The following IGFLR1 variants were observed in gnomAD, a reference collection of about 807,000 sequenced individuals.
IGFLR1 encodes the protein IGF like family receptor 1, also known as IGF-like family receptor 1.
Under a neutral mutation model 23.4 loss-of-function variants are expected in IGFLR1, and 17 were observed. The ratio of observed to expected loss-of-function variants is 0.73; its 90% CI spans 0.50 to 1.09. The LOEUF is 1.09. Ranked by LOEUF, IGFLR1 falls within the 50% of genes least tolerant of loss-of-function variation. The pLI, the probability that IGFLR1 is intolerant of heterozygous loss-of-function variation, is 0.00. For synonymous variants in IGFLR1, 265 were observed against 210.7 expected (o/e 1.26, Z -2.23); for missense variants, 556 against 459.2 (o/e 1.21, Z -1.93).
intron 3 of IGFLR1, 106 bp from the exon 4 acceptor site, chr19:35,740,194 CGGTAT>C: frequency 7.1e-7 from 1 of 1,405,102 alleles, no homozygotes; most frequent in Non-Finnish European, 9.4e-7. Context: ...CCATCTGATA[CGGTAT>C]CTGATAAGGT....
rs1422121941 is a variant in IGFLR1 at position 35,739,566 on chromosome 19, T to C, written c.782A>G (p.Glu261Gly). 4 of 1,613,836 alleles carry C rather than the reference T, an allele frequency of 2.5e-6. No individual in the cohort carries two copies. Among genetic ancestry groups the C allele is most frequent in the South Asian group, 2.2e-5 (2 of 91,062 alleles). ...SRLLDELEVL[E>G]ELIVLLDPEP... The stretch of plus-strand genomic sequence containing the variant: ...AGGGTCCAGCAGTACAATCAGCTCT[T>C]CCAGCACCTCCAGCTCATCCAGGAG... The change falls in exon 5 of 5, where the codon GAA becomes GGA. Residue 261 changes from glutamate to glycine, a missense_variant. Coordinates refer to ENST00000246532, the MANE Select transcript of IGFLR1 (RefSeq NM_024660.4).
chr19:35,740,784 G>A lies in IGFLR1; in HGVS notation c.158-220C>T, dbSNP rs1970179153. ...CCCACTCCCGGCTTCTCTACATAAA[G>A]CCCACCCTTTCCACGCGGCCCCTAT... On this transcript the variant is annotated intron_variant, in intron 2 of 4. Transcript: ENST00000246532. 6 of 637,190 alleles carry A rather than the reference G, an allele frequency of 9.4e-6. No homozygotes were observed. The South Asian group carries it at 9.9e-5, about 11-fold the overall frequency. 39.5% of individuals were successfully genotyped at this position (637,190 alleles called of 1,614,324 possible).
intron 1 of IGFLR1, 63 bp downstream of exon 1, chr19:35,742,333 G>A: frequency 7.5e-7 from 1 of 1,337,892 alleles, no homozygotes; most frequent in Non-Finnish European, 9.9e-7. Context: ...TCTCCCCCTT[G>A]AATAAGCCTC....
intron 2 of IGFLR1, 196 bp downstream of exon 2, chr19:35,740,828 T>C: frequency 3.1e-6 from 2 of 649,428 alleles, no homozygotes; most frequent in Non-Finnish European, 5.2e-6. Context: ...TCCAGCCATA[T>C]CCATTCGCTG....
intron 1 of IGFLR1, 89 bp from the exon 2 acceptor site, chr19:35,741,312 A>AC: frequency 7.3e-7 from 1 of 1,376,782 alleles, no homozygotes. Context: ...CCGGGAATCT[A>AC]CCCCCGAGCC....
chr19:35,738,870 ATGTT>A lies in IGFLR1; in HGVS notation c.*406_*409del. On this transcript the variant is annotated 3_prime_UTR_variant, in exon 5 of 5. Coordinates refer to ENST00000246532, the MANE Select transcript of IGFLR1 (RefSeq NM_024660.4). The surrounding 1 kb of genome is among the most constrained non-coding windows in gnomAD (Gnocchi z 8.7). ...AACCCCCCCACAATAAAGTCTGTCA[ATGTT>A]TGGAGAGGTGGTCTTCCCATTTGTA... 1 of 469,134 alleles carries A rather than the reference ATGTT, an allele frequency of 2.1e-6. No homozygotes were observed. The highest frequency in any genetic ancestry group is 3.1e-5 in the South Asian group (1 of 32,558). The allele number at this position is 469,134 out of a possible 1,614,324, so 29.1% of individuals were successfully genotyped here. A position where few individuals can be genotyped will look rare whatever the true frequency, so the allele number is the denominator to read the frequency against.
chr19:35,739,383 G>C lies in IGFLR1; in HGVS notation c.965C>G (p.Ser322Cys). ...TGTGCCAAGCTGGCCCAGGGAGGCA[G>C]AGGGCTCCCTTGCCACCACCATCTC... is the stretch of plus-strand genomic sequence containing the variant. Reference protein sequence around the residue: ...LIEMVVAREPSASLGQLGTHL... With the variant: ...LIEMVVAREPCASLGQLGTHL... Residue 322 changes from serine to cysteine, a missense_variant, in exon 5 of 5, where the codon TCT (serine) becomes TGT (cysteine). Physicochemically the swap from Ser to Cys is moderately radical, Grantham distance 112. Transcript: ENST00000246532. The C allele has an allele frequency of 6.2e-7, 1 of 1,613,212 alleles. No homozygotes were observed.
chr19:35,739,357 G>A lies in IGFLR1; in HGVS notation c.991C>T (p.His331Tyr). Residue 331 changes from histidine to tyrosine, a missense_variant, in exon 5 of 5, where the codon CAC becomes TAC. Coordinates refer to ENST00000246532, the MANE Select transcript of IGFLR1 (RefSeq NM_024660.4). ...TCTGCCCGCCCTAGCTGGGCGAGGT[G>A]TGTGCCAAGCTGGCCCAGGGAGGCA... ...PSASLGQLGT[H>Y]LAQLGRADAL... 1.2e-6 allele frequency: 2 copies of A among 1,612,268 alleles called. No homozygotes were observed. The highest frequency in any genetic ancestry group is 1.7e-6 in the Non-Finnish European group (2 of 1,179,404).
Position 35,739,691 on chromosome 19 carries a change from G to A in IGFLR1, c.721+19C>T. On this transcript the variant is annotated intron_variant, in intron 4 of 4. Coordinates refer to ENST00000246532, the MANE Select transcript of IGFLR1 (RefSeq NM_024660.4). ...CGTCCAGTCCACCTTCCCTGCCCCGGGGCTCCTCCAGGACTAACCCCTGCT... is the reference window on the plus strand; with the variant it reads ...CGTCCAGTCCACCTTCCCTGCCCCGAGGCTCCTCCAGGACTAACCCCTGCT... The A allele has an allele frequency of 6.4e-7, 1 of 1,560,696 alleles. No individual in the cohort carries two copies. Among genetic ancestry groups the A allele is most frequent in the South Asian group, 1.2e-5 (1 of 82,568 alleles).
chr19:35,740,784 G>T, intron 2 of IGFLR1: 1 of 637,190 alleles, frequency 1.6e-6, no homozygotes, highest in Non-Finnish European at 2.7e-6. Flanking sequence ...TCTACATAAA[G>T]CCCACCCTTT....
At chr19:35,740,110 A>C (rs747699791) in intron 3 of IGFLR1, 22 bp from the exon 4 acceptor site, 2 of 1,592,884 alleles carry the variant, frequency 1.3e-6, no homozygotes, top group African/African-American at 2.7e-5. Context: ...GGGTTGGAGT[A>C]AAGCTGGAGG....
chr19:35,739,522 C>A lies in IGFLR1; in HGVS notation c.826G>T (p.Gly276Cys), dbSNP rs147295574. 2.8e-3 allele frequency: 4,540 copies of A among 1,614,052 alleles called. 11 individuals are homozygous for A. The highest frequency in any genetic ancestry group is 3.3e-3 in the Non-Finnish European group (3,937 of 1,180,014). The change falls in exon 5 of 5, where the codon GGT becomes TGT. Residue 276 changes from glycine (G) to cysteine (C), a missense_variant. Transcript: ENST00000246532. ...TGTCGAGTAGTGCCATGGGCCATAC[C>A]CCCACCTGGCCCAGGCTCAGGGTCC... ...LLDPEPGPGG[G>C]MAHGTTRHLA...
At position 35,739,163 on chromosome 19, in the gene IGFLR1, G is replaced by A. The variant is rs762997195; in HGVS notation, c.*117C>T. On this transcript the variant is annotated 3_prime_UTR_variant, in exon 5 of 5. Transcript: ENST00000246532. ...GTATGTTGGAATAGGCCCTTCTAGG[G>A]CGAAGAGCAGTGAGGCTATCTGTTG... is the stretch of plus-strand genomic sequence containing the variant. 45 of 1,019,668 alleles carry A rather than the reference G, an allele frequency of 4.4e-5. No individual in the cohort carries two copies. Among genetic ancestry groups the A allele is most frequent in the Non-Finnish European group, 6.2e-5 (44 of 707,994 alleles). The allele number at this position is 1,019,668 out of a possible 1,614,324, so 63.2% of individuals were successfully genotyped here.
intron 2 of IGFLR1, chr19:35,740,791 C>A (rs1047701712): frequency 3.1e-6 from 2 of 636,690 alleles, no homozygotes; most frequent in Non-Finnish European, 5.3e-6. Context: ...AAAGCCCACC[C>A]TTTCCACGCG....
In IGFLR1 at chr19:35,738,971, C is replaced by T; in HGVS notation, c.*309G>A. 1 of 462,254 alleles carries T rather than the reference C, an allele frequency of 2.2e-6. No individual in the cohort carries two copies. The highest frequency in any genetic ancestry group is 3.9e-6 in the Non-Finnish European group (1 of 259,660). 28.6% of individuals were successfully genotyped at this position (462,254 alleles called of 1,614,324 possible). On this transcript the variant is annotated 3_prime_UTR_variant, in exon 5 of 5. Transcript: ENST00000246532. This position sits in a 1 kb window ranked among gnomAD's most constrained non-coding sequence, Gnocchi z 8.7. ...ATGACCCAAGGAAGTTCATCAGCCT[C>T]AACAGGTAGGTGAGGCCATCATTCA...
In IGFLR1 at chr19:35,742,389, C is replaced by T; in HGVS notation, c.-44+7G>A. The stretch of plus-strand genomic sequence containing the variant: ...TCAGCACAAAGGTGTCCCCACCCTA[C>T]CAGTACCGTTAGGGTCCTGGGTCCC... On this transcript the variant is annotated splice_region_variant and intron_variant, in intron 1 of 4. Transcript: ENST00000246532. 8.5e-6 allele frequency: 13 copies of T among 1,527,638 alleles called. No homozygotes were observed. The highest frequency in any genetic ancestry group is 1.1e-5 in the Non-Finnish European group (13 of 1,141,878). The allele number at this position is 1,527,638 out of a possible 1,614,324, so 94.6% of individuals were successfully genotyped here.
Position 35,741,233 on chromosome 19 carries a change from C to A in IGFLR1, c.-43-10G>T. The A allele has an allele frequency of 6.3e-7, 1 of 1,596,540 alleles. No individual in the cohort carries two copies. On this transcript the variant is annotated splice_polypyrimidine_tract_variant and intron_variant, in intron 1 of 4. Transcript: ENST00000246532. ...AAACACAGCGCCTCTGCTACACTTTCCGGGGAAATCGGGCAGAAGAAAGGA... is the reference window on the plus strand; with the variant it reads ...AAACACAGCGCCTCTGCTACACTTTACGGGGAAATCGGGCAGAAGAAAGGA...
chr19:35,739,558 TCAGCTCTTC>T lies in IGFLR1; in HGVS notation c.781_789del (p.Glu261_Leu263del), dbSNP rs762815568. The T allele has an allele frequency of 3.8e-5, 62 of 1,613,934 alleles. No individual in the cohort carries two copies. The highest frequency in any genetic ancestry group is 4.3e-5 in the Non-Finnish European group (51 of 1,180,006). ...CCAGGCTCAGGGTCCAGCAGTACAA[TCAGCTCTTC>T]CAGCACCTCCAGCTCATCCAGGAGG... is the stretch of plus-strand genomic sequence containing the variant. On this transcript the variant is annotated inframe_deletion, in exon 5 of 5. Transcript: ENST00000246532.
chr19:35,739,256 G>C lies in IGFLR1; in HGVS notation c.*24C>G. The stretch of plus-strand genomic sequence containing the variant: ...TGCTAATTGTATACTGGGCTTAGTA[G>C]TCAGCAAAGTTCTTTATTGGGTGTT... On this transcript the variant is annotated 3_prime_UTR_variant, in exon 5 of 5. Coordinates refer to ENST00000246532, the MANE Select transcript of IGFLR1 (RefSeq NM_024660.4). 2 of 1,521,570 alleles carry C rather than the reference G, an allele frequency of 1.3e-6. No homozygotes were observed. Among genetic ancestry groups the C allele is most frequent in the Non-Finnish European group, 1.8e-6 (2 of 1,126,330 alleles). The allele number at this position is 1,521,570 out of a possible 1,614,324, so 94.3% of individuals were successfully genotyped here. A position where few individuals can be genotyped will look rare whatever the true frequency, so the allele number is the denominator to read the frequency against.
Sources: allele counts gnomAD v4.1 joint callset, GRCh38; gene constraint gnomAD v4.1.1; non-coding constraint Gnocchi (gnomAD v3.1); transcripts MANE v1.5; gene names NCBI Gene and HGNC (gene_info 2026-07-23, HGNC 2026-07-21).